Variants in ZZEF1 observed in about 807,000 individuals in gnomAD.
ZZEF1 encodes zinc finger ZZ-type and EF-hand domain containing 1, also known as zinc finger ZZ-type and EF-hand domain-containing protein 1.
In ZZEF1, 157 loss-of-function variants were observed where a neutral mutation model predicts 342.8. That is an observed-to-expected ratio of 0.46 (90% CI 0.40 to 0.52). The LOEUF is 0.52. Ranked by LOEUF, ZZEF1 falls within the 20% of genes least tolerant of loss-of-function variation. ZZEF1 has a pLI of 0.00. For missense variants in ZZEF1, 3,480 were observed against 3,725.6 expected (o/e 0.93, Z 1.72); for synonymous variants, 1,505 against 1,429.1 (o/e 1.05, Z -1.20).
In ZZEF1 at chr17:4,008,505, G is replaced by T; in HGVS notation, c.8805+378C>A. ...GAGCTCCTCAGTCAGTGAAAAGTGT[G>T]AAGCGTCCTGAGACCAAACAGCTGT... On this transcript the variant is annotated intron_variant, in intron 54 of 54. Transcript: ENST00000381638. The surrounding 1 kb of genome is among the most constrained non-coding windows in gnomAD (Gnocchi z 4.2). 1 of 1,018,054 alleles carries T rather than the reference G, an allele frequency of 9.8e-7. No individual in the cohort carries two copies. Among genetic ancestry groups the T allele is most frequent in the Non-Finnish European group, 1.2e-6 (1 of 850,750 alleles). The allele number at this position is 1,018,054 out of a possible 1,614,324, so 63.1% of individuals were successfully genotyped here. A position where few individuals can be genotyped will look rare whatever the true frequency, so the allele number is the denominator to read the frequency against.
intron 1 of ZZEF1, among the ~76,000 whole-genome samples, chr17:4,124,924 T>G (rs529852540): frequency 3.3e-5 from 5 of 152,370 alleles, no homozygotes; most frequent in South Asian, 4.1e-4. Context: ...CTATCACTAC[T>G]CTGCTATGTG....
intron 42 of ZZEF1, among the ~76,000 whole-genome samples, chr17:4,031,807 CA>C (rs1171518010): frequency 2.0e-5 from 3 of 152,018 alleles, no homozygotes; most frequent in Non-Finnish European, 4.4e-5. Context: ...CACCTGACTC[CA>C]AAATATGTTT....
chr17:4,085,784 T>A lies in ZZEF1; in HGVS notation c.2532A>T (p.Gly844=). The A allele has an allele frequency of 6.2e-7, 1 of 1,614,124 alleles. No individual in the cohort carries two copies. Among genetic ancestry groups the A allele is most frequent in the Non-Finnish European group, 8.5e-7 (1 of 1,180,008 alleles). ...TTAGTATCTCCATGGGCACAGAGTC[T>A]CCATCCACCTTGTCCACCACTGATA... ...HLCDVVDKVD[G]DSVPMEILKQ... The change falls in exon 16 of 55, where the codon GGA becomes GGT. Residue 844 remains glycine, a synonymous_variant. Transcript: ENST00000381638.
chr17:4,111,250 C>T (rs1023596309), intron 5 of ZZEF1, among the ~76,000 whole-genome samples: 4 of 151,984 alleles, frequency 2.6e-5, no homozygotes, highest in Admixed American at 6.6e-5. Flanking sequence ...CACACACACA[C>T]GGAAAGGTCT....
Position 4,048,692 on chromosome 17 carries a change from ACAC to A in ZZEF1, c.6015+1013_6015+1015del, listed in dbSNP as rs1243363833. ...AAATACAGCTACACCGATACAGTGT[ACAC>A]CATGGGCTAGGAATGACTTTTTTTT... On this transcript the variant is annotated intron_variant, in intron 37 of 54. Transcript: ENST00000381638. Among the ~76,000 whole-genome samples, 3 of 152,148 alleles carry A rather than the reference ACAC, an allele frequency of 2.0e-5. No homozygotes were observed. In the South Asian group the frequency reaches 6.2e-4, roughly 32 times the overall value.
At position 4,015,536 on chromosome 17, in the gene ZZEF1, G is replaced by C. The variant is rs1042966872; in HGVS notation, c.8145+787C>G. Among the ~76,000 whole-genome samples, 8 of 152,308 alleles carry C rather than the reference G, an allele frequency of 5.3e-5. 1 individual carries two copies. The highest frequency in any genetic ancestry group is 1.4e-4 in the African/African-American group (6 of 41,550). ...TCCCAGCACTCTGGGAGGCCAAGGCGGGTGGATCACCTGAGGTCAGGAGTT... is the reference window on the plus strand; with the variant it reads ...TCCCAGCACTCTGGGAGGCCAAGGCCGGTGGATCACCTGAGGTCAGGAGTT... On this transcript the variant is annotated intron_variant, in intron 49 of 54. Transcript: ENST00000381638.
intron 26 of ZZEF1, among the ~76,000 whole-genome samples, chr17:4,069,513 G>A (rs1305585713): frequency 6.6e-6 from 1 of 152,098 alleles, no homozygotes; most frequent in Non-Finnish European, 1.5e-5. Flanking sequence ...GAGCAATAAA[G>A]GTGGTAGGAA....
Position 4,013,461 on chromosome 17 carries a change from C to T in ZZEF1, c.8567G>A (p.Cys2856Tyr). ...GGACACCGCTTACCTGTGGCCGCAGCATCGCACAATCCTCAGAAGTAAGTG... is the reference window on the plus strand; with the variant it reads ...GGACACCGCTTACCTGTGGCCGCAGTATCGCACAATCCTCAGAAGTAAGTG... ...AIHLLLRIVR[C>Y]CGHSDLCDLA... The change falls in exon 52 of 55, where the codon TGC (cysteine) becomes TAC (tyrosine). Residue 2856 changes from cysteine (C) to tyrosine (Y), a missense_variant. Physicochemically the swap from Cys to Tyr is radical, Grantham distance 194 (BLOSUM62 -2). Coordinates refer to ENST00000381638, the MANE Select transcript of ZZEF1 (RefSeq NM_015113.4). 1.9e-6 allele frequency: 3 copies of T among 1,609,950 alleles called. No individual in the cohort carries two copies. The highest frequency in any genetic ancestry group is 2.5e-6 in the Non-Finnish European group (3 of 1,177,616).
chr17:4,079,221 C>T (rs924390013), intron 18 of ZZEF1, among the ~76,000 whole-genome samples: 4 of 152,210 alleles, frequency 2.6e-5, no homozygotes, highest in Non-Finnish European at 4.4e-5. Flanking sequence ...TAGCACCTAC[C>T]CACTCCTCAC....
In ZZEF1 at chr17:4,114,483, C is replaced by T. The variant is rs753001246; in HGVS notation, c.695-13G>A. On this transcript the variant is annotated splice_polypyrimidine_tract_variant and intron_variant, in intron 3 of 54. Coordinates refer to ENST00000381638, the MANE Select transcript of ZZEF1 (RefSeq NM_015113.4). The stretch of plus-strand genomic sequence containing the variant: ...TCTCCAGGGCTTTCTGTAGGGGAAA[C>T]CAGAGTTGATTATATGACATCCCTT... 6 of 1,485,388 alleles carry T rather than the reference C, an allele frequency of 4.0e-6. No individual in the cohort carries two copies. Among genetic ancestry groups the T allele is most frequent in the Admixed American group, 2.3e-5 (1 of 42,922 alleles). The allele number at this position is 1,485,388 out of a possible 1,614,324, so 92.0% of individuals were successfully genotyped here.
intron 37 of ZZEF1, among the ~76,000 whole-genome samples, chr17:4,049,014 T>C (rs1388963494): frequency 6.6e-6 from 1 of 151,246 alleles, no homozygotes; most frequent in Non-Finnish European, 1.5e-5. Context: ...GCCTGGCCAA[T>C]TAATTTCTTT....
Position 4,082,482 on chromosome 17 carries a change from T to G in ZZEF1, c.2669A>C (p.Lys890Thr). Residue 890 changes from lysine to threonine, a missense_variant, in exon 17 of 55, where the codon AAG becomes ACG. Lys to Thr is a moderately conservative substitution (Grantham distance 78, BLOSUM62 -1). Around this residue, in one of 5 missense-constraint regions of ZZEF1, gnomAD observed 1,528 missense variants for 1,624.1 expected, o/e 0.94. Coordinates refer to ENST00000381638, the MANE Select transcript of ZZEF1 (RefSeq NM_015113.4). ...TMMNVTEQEH[K>T]QSLQLTFRSL... ...ACGGAAAGTGAGCTGCAGGGACTGC[T>G]TGTGCTCCTGCTCGGTGACATTCTT... 1 of 1,614,154 alleles carries G rather than the reference T, an allele frequency of 6.2e-7. No individual in the cohort carries two copies. Among genetic ancestry groups the G allele is most frequent in the Non-Finnish European group, 8.5e-7 (1 of 1,179,996 alleles).
In ZZEF1 at chr17:4,063,788, C is replaced by T. The variant is rs138265436; in HGVS notation, c.4718+573G>A. On this transcript the variant is annotated intron_variant, in intron 29 of 54. Coordinates refer to ENST00000381638, the MANE Select transcript of ZZEF1 (RefSeq NM_015113.4). ...TGTCGCCCAGGTTGGAGTACAGTGG[C>T]GTGATCTCGGCTCACTGCAACCTCT... Among the ~76,000 whole-genome samples the T allele has an allele frequency of 7.4e-3, 1,095 of 147,760 alleles. 5 individuals are homozygous for T. Among genetic ancestry groups the T allele is most frequent in the Middle Eastern group, 0.015 (4 of 274 alleles).
intron 7 of ZZEF1, among the ~76,000 whole-genome samples, chr17:4,105,141 C>G (rs1351528936): frequency 1.3e-5 from 2 of 152,170 alleles, no homozygotes; most frequent in Admixed American, 1.3e-4. Context: ...GCTTGAAGCA[C>G]TAAAAATGTA....
chr17:4,130,585 C>A (rs1294833321), intron 1 of ZZEF1, among the ~76,000 whole-genome samples: 1 of 152,088 alleles, frequency 6.6e-6, no homozygotes, highest in Admixed American at 6.6e-5. Flanking sequence ...ACAGACAAAA[C>A]TAAGGAAACC....
rs2055867942 is a variant in ZZEF1 at position 4,008,820 on chromosome 17, T to G, written c.8805+63A>C. The G allele has an allele frequency of 2.0e-6, 3 of 1,536,478 alleles. No individual in the cohort carries two copies. The highest frequency in any genetic ancestry group is 2.0e-5 in the Admixed American group (1 of 50,818). On this transcript the variant is annotated intron_variant, in intron 54 of 54. Transcript: ENST00000381638. The surrounding 1 kb of genome is among the most constrained non-coding windows in gnomAD (Gnocchi z 4.2). ...CGCAATGTACAGACCTTCTCTGCCCTGGCAATGGTGAGATGGTGGCGCCCC... is the reference window on the plus strand; with the variant it reads ...CGCAATGTACAGACCTTCTCTGCCCGGGCAATGGTGAGATGGTGGCGCCCC...
chr17:4,072,255 G>A (rs1223535045), intron 25 of ZZEF1, among the ~76,000 whole-genome samples: 1 of 152,220 alleles, frequency 6.6e-6, no homozygotes, highest in Non-Finnish European at 1.5e-5. Context: ...ATCATGTGCT[G>A]TAATTCTAAG....
chr17:4,050,116 G>C (rs2057014030), intron 36 of ZZEF1, among the ~76,000 whole-genome samples: 1 of 152,148 alleles, frequency 6.6e-6, no homozygotes, highest in Admixed American at 6.5e-5. Flanking sequence ...ACATATAACA[G>C]GATTGTCTAT....
At chr17:4,009,560 G>A (rs566329683) in intron 53 of ZZEF1, 44 bp downstream of exon 53, 16 of 1,609,302 alleles carry the variant, frequency 9.9e-6, no homozygotes, top group African/African-American at 5.3e-5. Context: ...GGGAGCAAAC[G>A]CACATGGAGG....
Sources: gnomAD v4.1 joint callset for allele counts (sites outside exome capture counted in the v4.1 genomes callset) on GRCh38, gnomAD v4.1.1 for gene constraint, gnomAD v4.1.1 regional missense constraint, Gnocchi (gnomAD v3.1) non-coding constraint, MANE v1.5 for transcripts, NCBI Gene and HGNC (gene_info 2026-07-23, HGNC 2026-07-21) for gene names.